Variants in TACR3 observed in about 807,000 individuals in gnomAD.
TACR3 encodes the protein tachykinin receptor 3.
A neutral mutation model predicts 35.0 loss-of-function variants in TACR3; 34 were observed. The observed-to-expected ratio is 0.97, with a 90% confidence interval of 0.74 to 1.30. TACR3 has a LOEUF of 1.30. Among genes scored for constraint, TACR3 ranks in the 50% most tolerant of loss-of-function variants. TACR3 has a pLI of 0.00. For synonymous variants in TACR3, 233 were observed against 221.1 expected (o/e 1.05, Z -0.48); for missense variants, 558 against 591.7 (o/e 0.94, Z 0.59).
intron 1 of TACR3, among the ~76,000 whole-genome samples, chr4:103,694,576 G>T (rs1214504185): frequency 3.3e-5 from 5 of 152,002 alleles, no homozygotes; most frequent in Non-Finnish European, 7.4e-5. Context: ...TTTCCCTATG[G>T]CTGACTCTAG....
chr4:103,719,385 T>C lies in TACR3; in HGVS notation c.291A>G (p.Ala97=). The C allele has an allele frequency of 6.2e-7, 1 of 1,614,222 alleles. No individual in the cohort carries two copies. Among genetic ancestry groups the C allele is most frequent in the Non-Finnish European group, 8.5e-7 (1 of 1,180,032 alleles). Residue 97 remains alanine, a synonymous_variant, in exon 1 of 5, where the codon GCA becomes GCG. Coordinates refer to ENST00000304883, the MANE Select transcript of TACR3 (RefSeq NM_001059.3). ...CGATGAGATTTCCCAAAACTGCCAC[T>C]GCCACCACCACACCATACGCCAGGG... is the stretch of plus-strand genomic sequence containing the variant. ...LWSLAYGVVV[A]VAVLGNLIVI...
chr4:103,641,269 T>TA (rs1036673366), intron 3 of TACR3, among the ~76,000 whole-genome samples: 4 of 151,922 alleles, frequency 2.6e-5, no homozygotes, highest in Admixed American at 6.6e-5. Flanking sequence ...AGGTGTTTTT[T>TA]AAAAAAATTC....
intron 1 of TACR3, among the ~76,000 whole-genome samples, chr4:103,665,051 T>C (rs940516887): frequency 6.6e-6 from 1 of 151,912 alleles, no homozygotes; most frequent in Non-Finnish European, 1.5e-5. Context: ...GGGTTCAAGC[T>C]TTCTGTCCAC....
chr4:103,704,806 A>C (rs556384266), intron 1 of TACR3, among the ~76,000 whole-genome samples: 11 of 152,316 alleles, frequency 7.2e-5, no homozygotes, highest in Admixed American at 3.9e-4. Context: ...GACTATCCTC[A>C]CTAGGGACAC....
intron 3 of TACR3, among the ~76,000 whole-genome samples, chr4:103,633,679 A>T (rs949117730): frequency 6.6e-6 from 1 of 152,068 alleles, no homozygotes; most frequent in African/African-American, 2.4e-5. Context: ...TCCATTCCTG[A>T]ATTATTTCAC....
At chr4:103,674,998 A>G (rs1354532349) in intron 1 of TACR3, among the ~76,000 whole-genome samples, 4 of 152,222 alleles carry the variant, frequency 2.6e-5, no homozygotes, top group African/African-American at 9.6e-5. Flanking sequence ...AAATCTTACT[A>G]TACTTATATA....
chr4:103,653,562 A>G (rs1029886678), intron 3 of TACR3, among the ~76,000 whole-genome samples: 1 of 152,182 alleles, frequency 6.6e-6, no homozygotes, highest in Non-Finnish European at 1.5e-5. Context: ...TGGATTAAAG[A>G]CTTACATGTT....
chr4:103,619,882 A>C (rs190962108), intron 3 of TACR3, among the ~76,000 whole-genome samples: 154 of 152,306 alleles, frequency 1.0e-3, no homozygotes, highest in Non-Finnish European at 1.5e-3. Context: ...AAGTAACAAA[A>C]ACTTGCTAAG....
intron 1 of TACR3, among the ~76,000 whole-genome samples, chr4:103,671,692 T>C (rs778093603): frequency 1.3e-5 from 2 of 152,078 alleles, no homozygotes; most frequent in East Asian, 1.9e-4. Flanking sequence ...CTTCTTTGGC[T>C]AAAGATTTGT....
intron 3 of TACR3, among the ~76,000 whole-genome samples, chr4:103,617,691 G>C (rs1479515784): frequency 1.3e-5 from 2 of 152,112 alleles, no homozygotes; most frequent in Non-Finnish European, 2.9e-5. Flanking sequence ...ATGTTTATTT[G>C]AGTCATAAAT....
rs869215834 is a variant in TACR3, at chr4:103,627,352, TAAAAAAAAAA to T, written c.888+28832_888+28841del. On this transcript the variant is annotated intron_variant, in intron 3 of 4. Coordinates refer to ENST00000304883, the MANE Select transcript of TACR3 (RefSeq NM_001059.3). ...CAACATGGTGAAACTGTGTTTCCATTAAAAAAAAAAAAAAAAAAAAAAAAAGCTGGGCATG... is the reference window on the plus strand; with the variant it reads ...CAACATGGTGAAACTGTGTTTCCATTAAAAAAAAAAAAAAAGCTGGGCATG... Among the ~76,000 whole-genome samples, 248 of 82,490 alleles carry T rather than the reference TAAAAAAAAAA, an allele frequency of 3.0e-3. No homozygotes were observed. The Middle Eastern group carries it at 0.037, about 12-fold the overall frequency. 54.1% of individuals were successfully genotyped at this position (82,490 alleles called of 152,430 possible).
intron 3 of TACR3, among the ~76,000 whole-genome samples, chr4:103,596,595 CT>C (rs1429371249): frequency 1.3e-5 from 2 of 151,830 alleles, no homozygotes; most frequent in African/African-American, 4.8e-5. Flanking sequence ...GATTAGAATC[CT>C]TTTTTTAAAA....
chr4:103,702,639 T>C (rs1722682007), intron 1 of TACR3, among the ~76,000 whole-genome samples: 1 of 151,836 alleles, frequency 6.6e-6, no homozygotes, highest in African/African-American at 2.4e-5. Context: ...TAGCAAAGAC[T>C]TGGAACCAAC....
intron 1 of TACR3, among the ~76,000 whole-genome samples, chr4:103,694,865 CAT>C (rs1722487899): frequency 6.6e-6 from 1 of 152,090 alleles, no homozygotes; most frequent in South Asian, 2.1e-4. Context: ...CACAGGAAGA[CAT>C]AATCCTAGAT....
intron 3 of TACR3, among the ~76,000 whole-genome samples, chr4:103,634,211 G>C (rs1303752805): frequency 1.3e-5 from 2 of 151,984 alleles, no homozygotes; most frequent in Middle Eastern, 3.2e-3. Flanking sequence ...CTAATGAAGA[G>C]GAACAATGAT....
intron 1 of TACR3, among the ~76,000 whole-genome samples, chr4:103,695,791 ATTGT>A (rs1722508773): frequency 6.6e-6 from 1 of 151,780 alleles, no homozygotes; most frequent in South Asian, 2.1e-4. Flanking sequence ...GCAGATAAAT[ATTGT>A]TTATTATGTT....
At chr4:103,666,588 C>G (rs1267775193) in intron 1 of TACR3, among the ~76,000 whole-genome samples, 1 of 152,022 alleles carries the variant, frequency 6.6e-6, no homozygotes, top group Non-Finnish European at 1.5e-5. Context: ...TCATTTAATA[C>G]TAAAATTTTA....
chr4:103,688,969 A>T (rs1156299933), intron 1 of TACR3, among the ~76,000 whole-genome samples: 1 of 152,102 alleles, frequency 6.6e-6, no homozygotes, highest in Non-Finnish European at 1.5e-5. Flanking sequence ...TTGCGGCACT[A>T]TTCACAATAG....
chr4:103,620,386 C>T (rs1223835809), intron 3 of TACR3, among the ~76,000 whole-genome samples: 1 of 152,220 alleles, frequency 6.6e-6, no homozygotes, highest in African/African-American at 2.4e-5. Flanking sequence ...TGCTATTCAA[C>T]CCAGCATTCC....
Sources: gnomAD v4.1 joint callset for allele counts (sites outside exome capture counted in the v4.1 genomes callset) on GRCh38, gnomAD v4.1.1 for gene constraint, MANE v1.5 for transcripts, NCBI Gene and HGNC (gene_info 2026-07-23, HGNC 2026-07-21) for gene names.